The following CUX1 variants were observed in gnomAD, a reference collection of about 807,000 sequenced individuals.
CUX1 encodes the protein protein CASP.
Under a neutral mutation model 158.8 loss-of-function variants are expected in CUX1, and 31 were observed. The ratio of observed to expected loss-of-function variants is 0.20; its 90% CI spans 0.15 to 0.26. The LOEUF (loss-of-function observed/expected upper bound fraction) is 0.26. Among genes scored for constraint, CUX1 ranks in the 10% least tolerant of loss-of-function variants. CUX1 has a pLI of 1.00. For missense variants in CUX1, 1,589 were observed against 2,014.6 expected (o/e 0.79, Z 4.04); for synonymous variants, 879 against 862.1 (o/e 1.02, Z -0.34).
intron 17 of CUX1, among the ~76,000 whole-genome samples, chr7:102,276,565 G>A (rs1462257415): frequency 6.6e-6 from 1 of 152,202 alleles, no homozygotes; most frequent in Non-Finnish European, 1.5e-5. Context: ...GCCTCCTAAA[G>A]TGCTGGGATT....
chr7:102,198,023 G>A (rs1028761243), intron 15 of CUX1, among the ~76,000 whole-genome samples: 1 of 152,206 alleles, frequency 6.6e-6, no homozygotes, highest in African/African-American at 2.4e-5. Flanking sequence ...GGAGGCTGAG[G>A]TGGATGGATC....
intron 2 of CUX1, among the ~76,000 whole-genome samples, chr7:101,962,530 A>G (rs967864390): frequency 6.6e-6 from 1 of 152,156 alleles, no homozygotes; most frequent in Non-Finnish European, 1.5e-5. Flanking sequence ...CGTGTCTGCC[A>G]TGGGTTCTGG....
At chr7:101,978,843 C>T (rs1813053650) in intron 2 of CUX1, among the ~76,000 whole-genome samples, 1 of 152,230 alleles carries the variant, frequency 6.6e-6, no homozygotes. Flanking sequence ...CCATCTCTGT[C>T]TACCTTTCCC....
At chr7:101,911,815 G>C (rs1457436430) in intron 1 of CUX1, among the ~76,000 whole-genome samples, 2 of 152,238 alleles carry the variant, frequency 1.3e-5, no homozygotes, top group Non-Finnish European at 2.9e-5. Context: ...AAGGTGGACC[G>C]GGCCACACGG....
chr7:102,016,480 G>C (rs1303880739), intron 2 of CUX1, among the ~76,000 whole-genome samples: 1 of 152,174 alleles, frequency 6.6e-6, no homozygotes, highest in Non-Finnish European at 1.5e-5. Flanking sequence ...TGGAAGTCAC[G>C]TGCCTCATTC....
chr7:102,231,068 T>C (rs1380666577), intron 21 of CUX1, among the ~76,000 whole-genome samples: 2 of 136,346 alleles, frequency 1.5e-5, no homozygotes, highest in South Asian at 2.3e-4. Context: ...CTCGCTCTGT[T>C]GCCCAGGGTG....
At chr7:102,079,437 C>CA (rs535825246) in intron 4 of CUX1, among the ~76,000 whole-genome samples, 25,800 of 139,924 alleles carry the variant, frequency 0.18, 2,289 homozygotes, top group Middle Eastern at 0.23. Flanking sequence ...GACTCTGTCT[C>CA]AAAAAAAAAA....
At chr7:102,210,057 T>G (rs564647559) in intron 20 of CUX1, among the ~76,000 whole-genome samples, 3 of 152,146 alleles carry the variant, frequency 2.0e-5, no homozygotes, top group East Asian at 3.9e-4. Flanking sequence ...TCAGCTAATT[T>G]TTTTATTTTT....
In CUX1 at chr7:102,251,839, CTG is replaced by C. The variant is rs1454563112; in HGVS notation, c.*2799_*2800del. On this transcript the variant is annotated 3_prime_UTR_variant, in exon 24 of 24. Coordinates refer to ENST00000292535, the MANE Select transcript of CUX1 (RefSeq NM_181552.4). ...CTAGGGTTTAGTTTTAAAGGCATGA[CTG>C]TTATTTACAAAGGTGTTAAATCTGA... 3 of 985,400 alleles carry C rather than the reference CTG, an allele frequency of 3.0e-6. No individual in the cohort carries two copies. The highest frequency in any genetic ancestry group is 6.1e-5 in the Admixed American group (1 of 16,278). The allele number at this position is 985,400 out of a possible 1,614,324, so 61.0% of individuals were successfully genotyped here. A position where few individuals can be genotyped will look rare whatever the true frequency, so the allele number is the denominator to read the frequency against.
intron 3 of CUX1, among the ~76,000 whole-genome samples, chr7:102,060,886 A>G (rs1256277985): frequency 4.9e-5 from 7 of 144,164 alleles, no homozygotes; most frequent in Non-Finnish European, 9.0e-5. Flanking sequence ...CACTGCGATT[A>G]CAGGTGTGAA....
intron 8 of CUX1, among the ~76,000 whole-genome samples, chr7:102,121,199 TGTTA>T (rs1190720534): frequency 2.0e-5 from 3 of 152,184 alleles, no homozygotes; most frequent in African/African-American, 7.2e-5. Flanking sequence ...ATAGGGTCTC[TGTTA>T]GTTATTCAGG....
At chr7:102,258,275 G>C, downstream of CUX1, 1 of 779,164 alleles carries the variant, frequency 1.3e-6, no homozygotes, top group Non-Finnish European at 1.6e-6. Context: ...CTGGCCTGAG[G>C]ACGAGCAGCA....
chr7:102,213,503 G>C (rs2132166537), intron 20 of CUX1, among the ~76,000 whole-genome samples: 1 of 152,294 alleles, frequency 6.6e-6, no homozygotes. Context: ...CGCTTTCCCT[G>C]GACCCTCCAT....
At chr7:101,919,618 C>T (rs951984002) in intron 2 of CUX1, among the ~76,000 whole-genome samples, 5 of 152,152 alleles carry the variant, frequency 3.3e-5, no homozygotes, top group South Asian at 4.1e-4. Flanking sequence ...TTGATGGAAA[C>T]GCCCACGTCT....
chr7:102,154,187 G>A (rs1554504402), intron 8 of CUX1: 1 of 152,020 alleles, frequency 6.6e-6, no homozygotes, highest in Non-Finnish European at 1.5e-5. Context: ...CACAAGCCTG[G>A]AAAATAAAGA....
At chr7:101,817,251 T>G (rs1791947840), upstream of CUX1, 3 of 984,336 alleles carry the variant, frequency 3.0e-6, no homozygotes, top group African/African-American at 5.3e-5. The surrounding 1 kb of genome is among the most constrained non-coding windows in gnomAD (Gnocchi z 4.1). Flanking sequence ...GCCGCGCGCC[T>G]GGGGGCTCCG....
At chr7:102,069,219 C>A (rs368398294) in intron 3 of CUX1, among the ~76,000 whole-genome samples, 1 of 152,154 alleles carries the variant, frequency 6.6e-6, no homozygotes, top group Non-Finnish European at 1.5e-5. Context: ...CCACCCTGAC[C>A]GCTGCTCAGG....
rs551533742 is a variant in CUX1, at chr7:102,130,550, G to A, written c.674+15277G>A. 4.0e-5 allele frequency among the ~76,000 whole-genome samples: 6 copies of A among 151,798 alleles called. 1 individual carries two copies. The highest frequency in any genetic ancestry group is 2.1e-4 in the South Asian group (1 of 4,786). On this transcript the variant is annotated intron_variant, in intron 8 of 23. Transcript: ENST00000292535. The stretch of plus-strand genomic sequence containing the variant: ...ACAAAAATTAGCTGGGCGTGGTGAC[G>A]GGAGCTTGTAATCCCAGCTACTTGG...
intron 3 of CUX1, among the ~76,000 whole-genome samples, chr7:102,064,548 C>T (rs1249465810): frequency 6.6e-6 from 1 of 151,866 alleles, no homozygotes; most frequent in Non-Finnish European, 1.5e-5. Flanking sequence ...CCAAGGCATG[C>T]AGTGGATGGG....
Sources: gnomAD v4.1 joint callset for allele counts (sites outside exome capture counted in the v4.1 genomes callset) on GRCh38, gnomAD v4.1.1 for gene constraint, Gnocchi (gnomAD v3.1) non-coding constraint, MANE v1.5 for transcripts, NCBI Gene and HGNC (gene_info 2026-07-23, HGNC 2026-07-21) for gene names.